The following SCN9A variants were observed in gnomAD, a reference collection of about 807,000 sequenced individuals.
The protein encoded by SCN9A is sodium channel protein type 9 subunit alpha.
A neutral mutation model predicts 187.0 loss-of-function variants in SCN9A; 131 were observed. The observed-to-expected ratio is 0.70, with a 90% CI of 0.61 to 0.81. SCN9A has a LOEUF of 0.81. SCN9A is among the 30% of genes least tolerant of loss of function. SCN9A has a pLI of 0.00. For synonymous variants in SCN9A, 809 were observed against 808.6 expected (o/e 1.00, Z -0.01); for missense variants, 2,252 against 2,396.6 (o/e 0.94, Z 1.26).
chr2:166,335,064 G>A (rs78998616), intron 1 of SCN9A, among the ~76,000 whole-genome samples: 1 of 152,082 alleles, frequency 6.6e-6, no homozygotes, highest in Admixed American at 6.6e-5. Context: ...AGCTTCAAAA[G>A]GAGTTTTTCT....
rs755344662 is a variant in SCN9A, at chr2:166,304,223, C to A, written c.688+15G>T. 22 of 1,612,100 alleles carry A rather than the reference C, an allele frequency of 1.4e-5. No individual in the cohort carries two copies. Among genetic ancestry groups the A allele is most frequent in the Non-Finnish European group, 1.8e-5 (21 of 1,178,468 alleles). Reference sequence around the variant, plus strand: ...GTTATGAGTGGCCTAATGCTTCACACCAATTACTTCTTACCTGGGATTACA... The same window carrying A: ...GTTATGAGTGGCCTAATGCTTCACAACAATTACTTCTTACCTGGGATTACA... On this transcript the variant is annotated intron_variant, in intron 6 of 26. Coordinates refer to ENST00000642356, the MANE Select transcript of SCN9A (RefSeq NM_001365536.1).
chr2:166,315,649 G>A (rs1699090866), intron 1 of SCN9A, among the ~76,000 whole-genome samples: 1 of 152,190 alleles, frequency 6.6e-6, no homozygotes, highest in African/African-American at 2.4e-5. Flanking sequence ...TAGCTTTGAA[G>A]AAGAGCAGCT....
At chr2:166,212,086 T>C (rs972084318) in intron 24 of SCN9A, among the ~76,000 whole-genome samples, 1 of 152,204 alleles carries the variant, frequency 6.6e-6, no homozygotes, top group Non-Finnish European at 1.5e-5. Context: ...AGATACATTT[T>C]GTAGAAATGG....
At chr2:166,283,054 G>A (rs1697565075) in intron 12 of SCN9A, among the ~76,000 whole-genome samples, 1 of 151,768 alleles carries the variant, frequency 6.6e-6, no homozygotes, top group Non-Finnish European at 1.5e-5. Context: ...CTCTAGTTTT[G>A]TAGTTTTCAC....
intron 17 of SCN9A, among the ~76,000 whole-genome samples, chr2:166,254,085 G>A (rs1466512429): frequency 2.6e-5 from 4 of 151,396 alleles, no homozygotes; most frequent in Non-Finnish European, 5.9e-5. Context: ...TCTTGTTGTT[G>A]AAACTTTTTT....
At chr2:166,256,546 A>C (rs193242884) in intron 17 of SCN9A, among the ~76,000 whole-genome samples, 10 of 151,670 alleles carry the variant, frequency 6.6e-5, no homozygotes, top group Non-Finnish European at 1.5e-4. Context: ...GAAAATTGTC[A>C]GTTTATTAAC....
chr2:166,330,882 AC>A (rs1480677422), intron 1 of SCN9A, among the ~76,000 whole-genome samples: 1 of 152,106 alleles, frequency 6.6e-6, no homozygotes, highest in East Asian at 1.9e-4. Flanking sequence ...CAGGCCATGG[AC>A]CAGTATCTGT....
At chr2:166,327,238 A>C (rs562288190) in intron 1 of SCN9A, among the ~76,000 whole-genome samples, 10 of 152,170 alleles carry the variant, frequency 6.6e-5, no homozygotes, top group African/African-American at 2.4e-4. Flanking sequence ...GGCTCACTGG[A>C]GCATCATCCT....
intron 16 of SCN9A, among the ~76,000 whole-genome samples, chr2:166,275,302 C>T (rs960933368): frequency 6.6e-6 from 1 of 151,856 alleles, no homozygotes; most frequent in Admixed American, 6.6e-5. Context: ...AAGAAATGCA[C>T]AGCTGGGCGC....
At chr2:166,199,946 GTCAACTCATTTCTT>G (rs1430757605) in intron 26 of SCN9A, 82 bp from the exon 27 acceptor site, 4 of 438,172 alleles carry the variant, frequency 9.1e-6, no homozygotes, top group African/African-American at 8.1e-5. Flanking sequence ...AGTTTTATCT[GTCAACTCATTTCTT>G]ATGAATTCAA....
Position 166,284,446 on chromosome 2 carries a change from TCCTTACG to T in SCN9A, c.1974_1974+6del, listed in dbSNP as rs746350648. ...AGCCATGCCTGAGCTATGTAAAACG[TCCTTACG>T]CTGTCATCAGAAGTTGCCTTATCTA... On this transcript the variant is annotated splice_donor_variant and splice_donor_5th_base_variant and coding_sequence_variant and intron_variant, in exon 12 of 27. Coordinates refer to ENST00000642356, the MANE Select transcript of SCN9A (RefSeq NM_001365536.1). LOFTEE classifies it high-confidence loss of function. 6.2e-7 allele frequency: 1 copy of T among 1,603,054 alleles called. No homozygotes were observed. The highest frequency in any genetic ancestry group is 8.5e-7 in the Non-Finnish European group (1 of 1,174,678).
Position 166,327,772 on chromosome 2 carries a change from A to G in SCN9A, c.-50-15966T>C, listed in dbSNP as rs577393911. ...AGTCAAATATAATATAATCTTATCAATTGACTGCCCATCTTCACTATGAAT... is the reference window on the plus strand; with the variant it reads ...AGTCAAATATAATATAATCTTATCAGTTGACTGCCCATCTTCACTATGAAT... On this transcript the variant is annotated intron_variant, in intron 1 of 26. Transcript: ENST00000642356. 3.1e-3 allele frequency among the ~76,000 whole-genome samples: 479 copies of G among 152,272 alleles called. 4 individuals are homozygous for G. Among genetic ancestry groups the G allele is most frequent in the Middle Eastern group, 0.024 (7 of 294 alleles).
Position 166,195,994 on chromosome 2 carries a change from T to C in SCN9A, c.*2678A>G, listed in dbSNP as rs941619019. 3 of 152,208 alleles carry C rather than the reference T, an allele frequency of 2.0e-5. No homozygotes were observed. The highest frequency in any genetic ancestry group is 2.9e-5 in the Non-Finnish European group (2 of 68,084). The allele number at this position is 152,208 out of a possible 1,614,324, so 9.4% of individuals were successfully genotyped here. ...GCCCAGAGTTGAGGCTGCAGAGAGC[T>C]ATGATCATGCCATTGCACTCTAGCC... is the stretch of plus-strand genomic sequence containing the variant. On this transcript the variant is annotated 3_prime_UTR_variant, in exon 27 of 27. Coordinates refer to ENST00000642356, the MANE Select transcript of SCN9A (RefSeq NM_001365536.1).
chr2:166,304,664 A>G (rs1316457243), intron 5 of SCN9A, among the ~76,000 whole-genome samples: 1 of 152,106 alleles, frequency 6.6e-6, no homozygotes, highest in Admixed American at 6.6e-5. Context: ...TGTCAGACAC[A>G]AAAGGCTGCA....
At chr2:166,324,167 C>T (rs1481508088) in intron 1 of SCN9A, among the ~76,000 whole-genome samples, 1 of 151,792 alleles carries the variant, frequency 6.6e-6, no homozygotes, top group Non-Finnish European at 1.5e-5. Flanking sequence ...GGTGTGGGCG[C>T]CTGCAATCTC....
chr2:166,301,574 T>C (rs1559026244), intron 7 of SCN9A: 1 of 150,740 alleles, frequency 6.6e-6, no homozygotes, highest in Admixed American at 6.6e-5. Flanking sequence ...TTGTTGAAAA[T>C]TTTTCTTTTA....
rs1177279301 is a variant in SCN9A at position 166,286,522 on chromosome 2, A to C, written c.1416T>G (p.Ser472Arg). 23 of 1,612,716 alleles carry C rather than the reference A, an allele frequency of 1.4e-5. No individual in the cohort carries two copies. Among genetic ancestry groups the C allele is most frequent in the Non-Finnish European group, 1.9e-5 (22 of 1,179,548 alleles). Residue 472 changes from serine to arginine, a missense_variant, in exon 11 of 27, where the codon AGT becomes AGG. Ser to Arg is a moderately radical substitution (Grantham distance 110). Transcript: ENST00000642356. The stretch of plus-strand genomic sequence containing the variant: ...TTCTTCTGTTTCTTCTTTCTTTAGC[A>C]CTTTTAGAGCTCAGTTTGGATGTTT... The part of the protein sequence containing the change: ...SSETSKLSSK[S>R]AKERRNRRKK...
At chr2:166,374,372 C>A (rs1212684515) in intron 1 of SCN9A, among the ~76,000 whole-genome samples, 1 of 152,194 alleles carries the variant, frequency 6.6e-6, no homozygotes, top group Non-Finnish European at 1.5e-5. Flanking sequence ...TTCTTTACAT[C>A]AAATACCATA....
chr2:166,329,322 G>A lies in SCN9A; in HGVS notation c.-50-17516C>T, dbSNP rs542643487. On this transcript the variant is annotated intron_variant, in intron 1 of 26. Coordinates refer to ENST00000642356, the MANE Select transcript of SCN9A (RefSeq NM_001365536.1). ...AGTCTTGATTTTAAGGTTTACCCCC[G>A]CAGCAAGTTATGAAAATAATGGTCA... Among the ~76,000 whole-genome samples the A allele has an allele frequency of 2.0e-4, 30 of 152,086 alleles. No individual in the cohort carries two copies. In the East Asian group the frequency reaches 2.1e-3, roughly 11 times the overall value.
Sources: gnomAD v4.1 joint callset for allele counts (sites outside exome capture counted in the v4.1 genomes callset) on GRCh38, gnomAD v4.1.1 for gene constraint, MANE v1.5 for transcripts, NCBI Gene and HGNC (gene_info 2026-07-23, HGNC 2026-07-21) for gene names.